ADCY2: variants seen among roughly 807,000 people sequenced by gnomAD.
ADCY2 encodes the protein adenylate cyclase 2.
ADCY2 carries 31 observed loss-of-function variants against 125.2 expected under a neutral mutation model. That is an observed-to-expected ratio of 0.25 (90% CI 0.19 to 0.33). The LOEUF (loss-of-function observed/expected upper bound fraction) is 0.33, where lower values mean the gene tolerates loss of function less well. ADCY2 is among the 10% of genes least tolerant of loss of function. ADCY2 has a pLI of 1.00. For synonymous variants in ADCY2, 512 were observed against 548.4 expected (o/e 0.93, Z 0.93); for missense variants, 904 against 1,418.2 (o/e 0.64, Z 5.82).
chr5:7,692,952 C>T (rs544194606), intron 5 of ADCY2, among the ~76,000 whole-genome samples: 2 of 152,242 alleles, frequency 1.3e-5, no homozygotes, highest in South Asian at 2.1e-4. Context: ...ACTTAACATG[C>T]ATCTAAGACA....
At chr5:7,564,777 CAG>C (rs1320795998) in intron 3 of ADCY2, among the ~76,000 whole-genome samples, 1 of 152,202 alleles carries the variant, frequency 6.6e-6, no homozygotes, top group East Asian at 1.9e-4. Flanking sequence ...CACTACCTAA[CAG>C]AGCTCAAATA....
chr5:7,501,651 C>CCT lies in ADCY2; in HGVS notation c.409-19086_409-19085insTC, dbSNP rs1554014554. Among the ~76,000 whole-genome samples, 2 of 100,462 alleles carry CCT rather than the reference C, an allele frequency of 2.0e-5. 1 individual carries two copies. Among genetic ancestry groups the CCT allele is most frequent in the Non-Finnish European group, 4.5e-5 (2 of 44,396 alleles). The allele number at this position is 100,462 out of a possible 152,430, so 65.9% of individuals were successfully genotyped here. A position where few individuals can be genotyped will look rare whatever the true frequency, so the allele number is the denominator to read the frequency against. The stretch of plus-strand genomic sequence containing the variant: ...AAAAGAATGAGATTCCCCCCTCCCC[C>CCT]CCCCCCCGCCAGTAACTTCAAGTTA... On this transcript the variant is annotated intron_variant, in intron 2 of 24. Coordinates refer to ENST00000338316, the MANE Select transcript of ADCY2 (RefSeq NM_020546.3).
chr5:7,552,808 G>T lies in ADCY2; in HGVS notation c.570+31909G>T, dbSNP rs528154514. Among the ~76,000 whole-genome samples the T allele has an allele frequency of 4.6e-5, 7 of 152,250 alleles. No individual in the cohort carries two copies. The East Asian group carries it at 1.4e-3, about 29-fold the overall frequency. On this transcript the variant is annotated intron_variant, in intron 3 of 24. Transcript: ENST00000338316. ...CTATATTTTTTCTTAGGTTGCCCTT[G>T]TACTAAAGCTTTAGAACCTGTATGG...
chr5:7,741,823 A>C (rs988230289), intron 14 of ADCY2, among the ~76,000 whole-genome samples: 2 of 151,746 alleles, frequency 1.3e-5, no homozygotes, highest in African/African-American at 4.8e-5. Flanking sequence ...TACCATCACC[A>C]TCATCACCAT....
intron 18 of ADCY2, among the ~76,000 whole-genome samples, chr5:7,774,911 A>G (rs1288101672): frequency 1.3e-5 from 2 of 152,248 alleles, no homozygotes; most frequent in Non-Finnish European, 2.9e-5. Flanking sequence ...ATGTTTTCAT[A>G]CATCTTGCAA....
intron 18 of ADCY2, among the ~76,000 whole-genome samples, chr5:7,780,874 G>A (rs111598369): frequency 6.6e-6 from 1 of 152,198 alleles, no homozygotes; most frequent in African/African-American, 2.4e-5. Flanking sequence ...ACGTTGGGGT[G>A]TGGTGTTCTT....
intron 15 of ADCY2, among the ~76,000 whole-genome samples, chr5:7,755,124 C>T (rs1742949052): frequency 6.6e-6 from 1 of 152,192 alleles, no homozygotes; most frequent in Non-Finnish European, 1.5e-5. Context: ...GTAGAAGCGT[C>T]AAGTACAGAT....
chr5:7,660,297 A>AAGGG (rs1554029357), intron 4 of ADCY2, among the ~76,000 whole-genome samples: 58 of 148,090 alleles, frequency 3.9e-4, no homozygotes, highest in African/African-American at 1.4e-3. Context: ...GGAAGGAAGG[A>AAGGG]AGGACTGTGA....
At chr5:7,702,684 A>T (rs951742963) in intron 7 of ADCY2, among the ~76,000 whole-genome samples, 3 of 152,200 alleles carry the variant, frequency 2.0e-5, no homozygotes, top group African/African-American at 7.2e-5. Context: ...GCCACAGTAA[A>T]CATACGTGTG....
intron 1 of ADCY2, among the ~76,000 whole-genome samples, chr5:7,405,779 G>C (rs1313451804): frequency 6.6e-6 from 1 of 152,210 alleles, no homozygotes; most frequent in African/African-American, 2.4e-5. Context: ...AGCTGTAACA[G>C]AAAAGCAAAC....
intron 16 of ADCY2, among the ~76,000 whole-genome samples, chr5:7,758,268 A>G (rs577800028): frequency 1.3e-5 from 2 of 152,204 alleles, no homozygotes; most frequent in Admixed American, 1.3e-4. Context: ...ACCAATGGCC[A>G]CTCTGACTAT....
intron 4 of ADCY2, among the ~76,000 whole-genome samples, chr5:7,659,793 T>C (rs987442224): frequency 2.6e-5 from 4 of 152,240 alleles, no homozygotes; most frequent in African/African-American, 9.6e-5. Context: ...GTGGCCCAGC[T>C]ACACACAACT....
intron 4 of ADCY2, among the ~76,000 whole-genome samples, chr5:7,682,914 A>G (rs1273485102): frequency 6.6e-6 from 1 of 152,226 alleles, no homozygotes; most frequent in Non-Finnish European, 1.5e-5. Flanking sequence ...TCCAGCTTCT[A>G]GTTAGAGAAA....
chr5:7,542,971 C>T lies in ADCY2; in HGVS notation c.570+22072C>T, dbSNP rs536324912. Among the ~76,000 whole-genome samples the T allele has an allele frequency of 5.9e-5, 9 of 152,332 alleles. No homozygotes were observed. The South Asian group carries it at 1.2e-3, about 21-fold the overall frequency. On this transcript the variant is annotated intron_variant, in intron 3 of 24. Transcript: ENST00000338316. ...CATGTTTCTTCATAGCATGAAACAA[C>T]TGGCCTGCATACTACTGAAAATACA...
At chr5:7,443,375 G>A (rs1210656699) in intron 2 of ADCY2, among the ~76,000 whole-genome samples, 1 of 151,944 alleles carries the variant, frequency 6.6e-6, no homozygotes, top group Non-Finnish European at 1.5e-5. Context: ...ATACAAGGCC[G>A]GGCGTGATGG....
At chr5:7,710,971 G>A (rs1741420353) in intron 10 of ADCY2, among the ~76,000 whole-genome samples, 1 of 152,184 alleles carries the variant, frequency 6.6e-6, no homozygotes, top group African/African-American at 2.4e-5. Flanking sequence ...GAACAATGAT[G>A]ATGCCATTAA....
At chr5:7,670,851 C>G (rs1739909918) in intron 4 of ADCY2, among the ~76,000 whole-genome samples, 1 of 152,214 alleles carries the variant, frequency 6.6e-6, no homozygotes, top group Non-Finnish European at 1.5e-5. Flanking sequence ...CCACCACTCA[C>G]CTCCTGCTCT....
At position 7,695,812 on chromosome 5, in the gene ADCY2, A is replaced by T. The variant is rs1483762208; in HGVS notation, c.930A>T (p.Glu310Asp). 1 of 1,612,922 alleles carries T rather than the reference A, an allele frequency of 6.2e-7. No homozygotes were observed. The highest frequency in any genetic ancestry group is 8.5e-7 in the Non-Finnish European group (1 of 1,179,416). The change falls in exon 6 of 25, where the codon GAA (glutamate) becomes GAT (aspartate). Residue 310 changes from glutamate (E) to aspartate (D), a missense_variant. Transcript: ENST00000338316. ...TGGCAAGTGACTGCTCCCCGGGAGAACTAGTCCACATGCTGAATGAGCTCT... is the reference window on the plus strand; with the variant it reads ...TGGCAAGTGACTGCTCCCCGGGAGATCTAGTCCACATGCTGAATGAGCTCT... The part of the protein sequence containing the change: ...TRLASDCSPG[E>D]LVHMLNELFG...
Position 7,709,679 on chromosome 5 carries a change from T to A in ADCY2, c.1578+292T>A, listed in dbSNP as rs1741377967. On this transcript the variant is annotated intron_variant, in intron 10 of 24. Transcript: ENST00000338316. The surrounding 1 kb of genome is among the most constrained non-coding windows in gnomAD (Gnocchi z 4.4). ...ATACAACTATTTATTAATTGAGGGG[T>A]TTTTTAAGAAAAACTTCTATCATGA... 6.6e-6 allele frequency among the ~76,000 whole-genome samples: 1 copy of A among 151,960 alleles called. No individual in the cohort carries two copies. Among genetic ancestry groups the A allele is most frequent in the African/African-American group, 2.4e-5 (1 of 41,358 alleles).
Sources: allele counts gnomAD v4.1 joint callset (sites outside exome capture counted in the v4.1 genomes callset), GRCh38; gene constraint gnomAD v4.1.1; non-coding constraint Gnocchi (gnomAD v3.1); transcripts MANE v1.5; gene names NCBI Gene and HGNC (gene_info 2026-07-23, HGNC 2026-07-21).